Variants in TRAK1 observed in about 807,000 individuals in gnomAD.
TRAK1 encodes the protein trafficking kinesin-binding protein 1.
In TRAK1, 33 loss-of-function variants were observed where a neutral mutation model predicts 92.1. That is an observed-to-expected ratio of 0.36 (90% CI 0.27 to 0.48). TRAK1 has a LOEUF of 0.48. Among genes scored for constraint, TRAK1 ranks in the 20% least tolerant of loss-of-function variants. The probability of loss-of-function intolerance (pLI) is 0.99; values close to 1 mark genes in which losing one functional copy is unlikely to be tolerated. For missense variants in TRAK1, 1,123 were observed against 1,257.9 expected (o/e 0.89, Z 1.62); for synonymous variants, 521 against 517.3 (o/e 1.01, Z -0.10).
At chr3:42,059,276 A>G (rs1417350061) in intron 1 of TRAK1, among the ~76,000 whole-genome samples, 1 of 151,782 alleles carries the variant, frequency 6.6e-6, no homozygotes, top group Non-Finnish European at 1.5e-5. Flanking sequence ...AAAAATTTTT[A>G]TTAGAGACGA....
At chr3:42,082,239 C>T (rs919149477), upstream of TRAK1, among the ~76,000 whole-genome samples, 2 of 152,104 alleles carry the variant, frequency 1.3e-5, no homozygotes, top group Non-Finnish European at 2.9e-5. Context: ...GGCCATCTCC[C>T]TCATTTTATA....
At chr3:42,055,159 G>C (rs750703573) in intron 1 of TRAK1, among the ~76,000 whole-genome samples, 7 of 151,790 alleles carry the variant, frequency 4.6e-5, no homozygotes, top group Non-Finnish European at 8.8e-5. Flanking sequence ...ACCTCAAGTG[G>C]TCTGTCCTCC....
chr3:42,167,741 G>A (rs190724610), intron 2 of TRAK1, among the ~76,000 whole-genome samples: 152 of 152,208 alleles, frequency 1.0e-3, no homozygotes, highest in African/African-American at 3.1e-3. Context: ...TTAGCTGGGC[G>A]TGGTGGTGGG....
At chr3:42,102,712 C>T (rs1463022164) in intron 1 of TRAK1, among the ~76,000 whole-genome samples, 4 of 152,182 alleles carry the variant, frequency 2.6e-5, no homozygotes, top group African/African-American at 9.7e-5. Context: ...CATGCGGGCC[C>T]CTAGTCTGAG....
At chr3:42,217,274 G>C (rs189679062) in intron 14 of TRAK1, 2 of 985,304 alleles carry the variant, frequency 2.0e-6, no homozygotes, top group African/African-American at 3.5e-5. Context: ...CTGGCAGTCA[G>C]TGGTGACATG....
chr3:42,157,016 G>A (rs1700609164), intron 2 of TRAK1, among the ~76,000 whole-genome samples: 1 of 151,996 alleles, frequency 6.6e-6, no homozygotes, highest in South Asian at 2.1e-4. Context: ...AGCCAGGCGT[G>A]GTGGCGGGCG....
intron 2 of TRAK1, among the ~76,000 whole-genome samples, chr3:42,148,096 C>G (rs1305775082): frequency 6.6e-6 from 1 of 152,084 alleles, no homozygotes; most frequent in Non-Finnish European, 1.5e-5. Context: ...ACTTACAGTA[C>G]CTGGCCAAGA....
rs766699958 is a variant in TRAK1, at chr3:42,125,437, G to A, written c.109G>A (p.Asp37Asn). Residue 37 changes from aspartate to asparagine, a missense_variant, in exon 2 of 16, where the codon GAT (aspartate) becomes AAT (asparagine). This residue lies in a region of TRAK1 where 686 missense variants were observed against 747.6 expected (regional missense o/e 0.92). Transcript: ENST00000327628. ...TNACDVCNST[D>N]LPEVEIISLL... ...GTCTTTAGATGTGTGCAACAGCACC[G>A]ATCTTCCGGAAGTCGAGATCATTAG... is the stretch of plus-strand genomic sequence containing the variant. 12 of 1,614,000 alleles carry A rather than the reference G, an allele frequency of 7.4e-6. No individual in the cohort carries two copies. Among genetic ancestry groups the A allele is most frequent in the African/African-American group, 2.7e-5 (2 of 74,912 alleles).
At chr3:42,170,185 T>C (rs1210037547) in intron 2 of TRAK1, among the ~76,000 whole-genome samples, 2 of 152,182 alleles carry the variant, frequency 1.3e-5, no homozygotes, top group African/African-American at 4.8e-5. Context: ...TGGGGAAGAT[T>C]ATTAAGCAGA....
intron 2 of TRAK1, chr3:42,151,330 C>T (rs1576640564): frequency 2.2e-6 from 1 of 456,564 alleles, no homozygotes; most frequent in East Asian, 6.9e-5. Context: ...GATTTTCTTA[C>T]CCAGCACTTC....
At chr3:42,199,574 G>A (rs1463992100) in intron 11 of TRAK1, among the ~76,000 whole-genome samples, 1 of 152,188 alleles carries the variant, frequency 6.6e-6, no homozygotes, top group Non-Finnish European at 1.5e-5. Flanking sequence ...TGCTGCCTCA[G>A]CCTCTTGAGT....
chr3:42,076,448 A>T (rs1000162997), intron 1 of TRAK1, among the ~76,000 whole-genome samples: 1 of 151,506 alleles, frequency 6.6e-6, no homozygotes, highest in African/African-American at 2.4e-5. Context: ...CTGGTCTCGA[A>T]CTTCTGACCT....
chr3:42,079,335 G>GAA (rs768423700), intron 1 of TRAK1, among the ~76,000 whole-genome samples: 4 of 152,110 alleles, frequency 2.6e-5, no homozygotes, highest in African/African-American at 9.7e-5. Flanking sequence ...AGGAAACCTT[G>GAA]AAAGCTCAGG....
At chr3:42,035,864 C>T (rs1284521444) in intron 1 of TRAK1, among the ~76,000 whole-genome samples, 1 of 152,206 alleles carries the variant, frequency 6.6e-6, no homozygotes, top group Non-Finnish European at 1.5e-5. Flanking sequence ...CTGCAGTTAC[C>T]TCTGCCTATA....
chr3:42,178,855 A>G (rs1703586731), intron 3 of TRAK1, among the ~76,000 whole-genome samples: 1 of 152,080 alleles, frequency 6.6e-6, no homozygotes, highest in Non-Finnish European at 1.5e-5. Flanking sequence ...TGTGCCTGTA[A>G]TCCCAGCTAC....
chr3:42,169,671 CA>C (rs10710580), intron 2 of TRAK1, among the ~76,000 whole-genome samples: 96,638 of 139,816 alleles, frequency 0.69, 33,017 homozygotes, highest in East Asian at 0.97. Context: ...AACTCCATCT[CA>C]AAAAAAAAAA....
At chr3:42,212,991 G>T (rs10865916) in intron 14 of TRAK1, among the ~76,000 whole-genome samples, 61,893 of 151,420 alleles carry the variant, frequency 0.41, 12,862 homozygotes, top group East Asian at 0.46. Flanking sequence ...CACGAATCAT[G>T]GCATCTTGAC....
At chr3:42,124,603 G>A (rs761457195) in intron 1 of TRAK1, among the ~76,000 whole-genome samples, 4 of 152,214 alleles carry the variant, frequency 2.6e-5, no homozygotes, top group African/African-American at 4.8e-5. Context: ...TGGGCCAAGA[G>A]CTATGGGGTA....
At chr3:42,024,986 A>T (rs576968045) in intron 1 of TRAK1, among the ~76,000 whole-genome samples, 1 of 152,342 alleles carries the variant, frequency 6.6e-6, no homozygotes. Flanking sequence ...TCCCCTTAGA[A>T]GCTGAAATTC....
Sources: gnomAD v4.1 joint callset for allele counts (sites outside exome capture counted in the v4.1 genomes callset) on GRCh38, gnomAD v4.1.1 for gene constraint, gnomAD v4.1.1 regional missense constraint, MANE v1.5 for transcripts, NCBI Gene and HGNC (gene_info 2026-07-23, HGNC 2026-07-21) for gene names.